Variants in DYNC2H1 observed in about 807,000 individuals in gnomAD.
The protein encoded by DYNC2H1 is cytoplasmic dynein 2 heavy chain 1.
Under a neutral mutation model 570.0 loss-of-function variants are expected in DYNC2H1, and 410 were observed. The observed-to-expected ratio is 0.72, with a 90% CI of 0.66 to 0.78. DYNC2H1 has a LOEUF of 0.78. Ranked by LOEUF, DYNC2H1 falls within the 30% of genes least tolerant of loss-of-function variation. The pLI, the probability that DYNC2H1 is intolerant of heterozygous loss-of-function variation, is 0.00. For synonymous variants in DYNC2H1, 1,688 were observed against 1,677.6 expected, an observed-to-expected ratio of 1.01 and a Z score of -0.15; for missense variants, 4,865 against 5,046.4, an observed-to-expected ratio of 0.96 and a Z score of 1.09.
intron 54 of DYNC2H1, among the ~76,000 whole-genome samples, chr11:103,212,866 T>C (rs143583267): frequency 3.1e-3 from 469 of 152,342 alleles, no homozygotes; most frequent in Non-Finnish European, 5.4e-3. Context: ...TAAATCACTT[T>C]AACTTACTGT....
chr11:103,291,347 A>G (rs2135368604), intron 75 of DYNC2H1, among the ~76,000 whole-genome samples: 1 of 152,260 alleles, frequency 6.6e-6, no homozygotes, highest in East Asian at 1.9e-4. Context: ...CTGAGGTGGG[A>G]CAATTGCTTG....
At chr11:103,307,634 A>G (rs908752997) in intron 77 of DYNC2H1, 87 bp from the exon 78 acceptor site, 11 of 642,024 alleles carry the variant, frequency 1.7e-5, no homozygotes, top group Non-Finnish European at 2.8e-5. Flanking sequence ...AAAAGTTTTA[A>G]TTAAAAATAG....
chr11:103,195,990 A>T (rs1046039935), intron 47 of DYNC2H1, among the ~76,000 whole-genome samples: 11 of 152,244 alleles, frequency 7.2e-5, no homozygotes, highest in African/African-American at 2.7e-4. Flanking sequence ...ATGTGCAAAG[A>T]AACAGAGGCT....
Position 103,236,453 on chromosome 11 carries a change from T to A in DYNC2H1, c.9733T>A (p.Cys3245Ser), listed in dbSNP as rs1367072071. ...LEKFDLRRFL[C>S]TESEQLIWKS... ...AGAATTTGATCTGAGGAGATTTCTT[T>A]GTACTGAAAGTGAGCAGTTAATTTG... is the stretch of plus-strand genomic sequence containing the variant. Residue 3245 changes from cysteine (C) to serine (S), a missense_variant, in exon 63 of 89, where the codon TGT becomes AGT. Physicochemically the swap from Cys to Ser is moderately radical, Grantham distance 112. This residue lies in a region of DYNC2H1 where 2,401 missense variants were observed against 2,454.6 expected (regional missense o/e 0.98). Coordinates refer to ENST00000375735, the MANE Select transcript of DYNC2H1 (RefSeq NM_001377.3). 1 of 1,606,842 alleles carries A rather than the reference T, an allele frequency of 6.2e-7. No homozygotes were observed. The highest frequency in any genetic ancestry group is 1.1e-5 in the South Asian group (1 of 90,858).
rs200911487 is a variant in DYNC2H1 at position 103,144,886 on chromosome 11, A to T, written c.2702+1491A>T. ...CCAGTAATAATAATGATAATTAGTT[A>T]TTTTTTTTTTTTGAGACAGAGTCTT... On this transcript the variant is annotated intron_variant, in intron 18 of 88. Coordinates refer to ENST00000375735, the MANE Select transcript of DYNC2H1 (RefSeq NM_001377.3). Among the ~76,000 whole-genome samples the T allele has an allele frequency of 1.4e-4, 21 of 145,100 alleles. No homozygotes were observed. In the East Asian group the frequency reaches 2.2e-3, roughly 15 times the overall value.
intron 84 of DYNC2H1, chr11:103,405,618 G>A (rs1455480313): frequency 1.3e-5 from 2 of 151,934 alleles, no homozygotes; most frequent in Non-Finnish European, 1.5e-5. Flanking sequence ...CCCCAATTAT[G>A]ATTGGTATGA....
chr11:103,123,130 G>T (rs896678267), intron 11 of DYNC2H1, 130 bp downstream of exon 11: 1 of 678,204 alleles, frequency 1.5e-6, no homozygotes, highest in Non-Finnish European at 2.1e-6. Context: ...TTTGTTGTTT[G>T]TTTTTGATCA....
chr11:103,209,993 T>C lies in DYNC2H1; in HGVS notation c.8539+33T>C. 1 of 1,423,146 alleles carries C rather than the reference T, an allele frequency of 7.0e-7. No homozygotes were observed. Among genetic ancestry groups the C allele is most frequent in the Non-Finnish European group, 9.2e-7 (1 of 1,086,878 alleles). The allele number at this position is 1,423,146 out of a possible 1,614,324, so 88.2% of individuals were successfully genotyped here. On this transcript the variant is annotated intron_variant, in intron 53 of 88. Coordinates refer to ENST00000375735, the MANE Select transcript of DYNC2H1 (RefSeq NM_001377.3). The surrounding 1 kb of genome is among the most constrained non-coding windows in gnomAD (Gnocchi z 4.2). ...TTTGATAAAATCAGTTTGATCTGGT[T>C]TTTATTTATGAAATAATTGCCGTTT...
chr11:103,399,618 G>A lies in DYNC2H1; in HGVS notation c.12157-45G>A, dbSNP rs1369878870. ...GTTTCAAAGCGTTTTATATATCAGT[G>A]ATCTGTGTTACTATTCGGTAAATAT... On this transcript the variant is annotated intron_variant, in intron 83 of 88. Transcript: ENST00000375735. The A allele has an allele frequency of 2.9e-6, 4 of 1,369,738 alleles. No individual in the cohort carries two copies. The South Asian group carries it at 5.2e-5, about 18-fold the overall frequency. The allele number at this position is 1,369,738 out of a possible 1,614,324, so 84.8% of individuals were successfully genotyped here.
At chr11:103,146,106 T>C (rs1320603654) in intron 18 of DYNC2H1, among the ~76,000 whole-genome samples, 1 of 152,200 alleles carries the variant, frequency 6.6e-6, no homozygotes, top group Admixed American at 6.5e-5. Flanking sequence ...TATATAGCTT[T>C]TGGTTGTTAA....
intron 87 of DYNC2H1, among the ~76,000 whole-genome samples, chr11:103,463,492 G>A (rs754378056): frequency 2.0e-5 from 3 of 151,708 alleles, no homozygotes; most frequent in East Asian, 1.9e-4. Context: ...GCTCATGCCT[G>A]TAATCCCAGC....
rs891347632 is a variant in DYNC2H1, at chr11:103,277,547, A to G, written c.10696-2801A>G. ...TATTATCTGAAATTCTTAACATTTT[A>G]GTCTTCTTTTCTGATGTGTCTAATG... On this transcript the variant is annotated intron_variant, in intron 70 of 88. Transcript: ENST00000375735. This position sits in a 1 kb window ranked among gnomAD's most constrained non-coding sequence, Gnocchi z 4.3. Among the ~76,000 whole-genome samples the G allele has an allele frequency of 2.0e-5, 3 of 152,032 alleles. No individual in the cohort carries two copies. The highest frequency in any genetic ancestry group is 7.2e-5 in the African/African-American group (3 of 41,422).
intron 83 of DYNC2H1, among the ~76,000 whole-genome samples, chr11:103,370,501 C>T (rs553955222): frequency 2.0e-5 from 3 of 152,184 alleles, no homozygotes; most frequent in Non-Finnish European, 4.4e-5. Context: ...GGAGTGGTTA[C>T]TGCAGGCCTT....
intron 84 of DYNC2H1, among the ~76,000 whole-genome samples, chr11:103,422,584 A>G (rs1005410687): frequency 4.6e-5 from 7 of 152,206 alleles, no homozygotes; most frequent in African/African-American, 1.2e-4. Flanking sequence ...ATGAAAGACA[A>G]AAAACACATG....
Position 103,209,054 on chromosome 11 carries a change from A to G in DYNC2H1, c.8455-822A>G, listed in dbSNP as rs181128731. Among the ~76,000 whole-genome samples, 247 of 152,278 alleles carry G rather than the reference A, an allele frequency of 1.6e-3. 2 individuals are homozygous for G. Among genetic ancestry groups the G allele is most frequent in the Non-Finnish European group, 3.0e-3 (201 of 68,006 alleles). ...TCAGTGAAGGCATACTCTCTGTCAC[A>G]AGAATTATGGTACATTCGAACTCTG... On this transcript the variant is annotated intron_variant, in intron 52 of 88. Transcript: ENST00000375735. The surrounding 1 kb of genome is among the most constrained non-coding windows in gnomAD (Gnocchi z 4.2).
intron 13 of DYNC2H1, among the ~76,000 whole-genome samples, chr11:103,131,933 A>G (rs1859298674): frequency 6.6e-6 from 1 of 152,010 alleles, no homozygotes; most frequent in South Asian, 2.1e-4. Flanking sequence ...ACTTTATCCT[A>G]TTTGGGGTTT....
At chr11:103,382,608 A>C (rs1941699416) in intron 83 of DYNC2H1, among the ~76,000 whole-genome samples, 1 of 152,154 alleles carries the variant, frequency 6.6e-6, no homozygotes, top group South Asian at 2.1e-4. Context: ...ACTTATTTGT[A>C]ATACATACCT....
intron 83 of DYNC2H1, among the ~76,000 whole-genome samples, chr11:103,396,968 T>G (rs572420466): frequency 6.6e-6 from 1 of 152,166 alleles, no homozygotes; most frequent in Non-Finnish European, 1.5e-5. Context: ...TATGGGGCAC[T>G]GTAAAAGGTG....
At chr11:103,313,115 G>T (rs1264044933) in intron 79 of DYNC2H1, among the ~76,000 whole-genome samples, 2 of 152,070 alleles carry the variant, frequency 1.3e-5, no homozygotes, top group African/African-American at 4.8e-5. Flanking sequence ...TTATTACTTT[G>T]CTTAAAATTT....
Sources: allele counts gnomAD v4.1 joint callset (sites outside exome capture counted in the v4.1 genomes callset), GRCh38; gene constraint gnomAD v4.1.1; regional missense constraint gnomAD v4.1.1; non-coding constraint Gnocchi (gnomAD v3.1); transcripts MANE v1.5; gene names NCBI Gene and HGNC (gene_info 2026-07-23, HGNC 2026-07-21).